COPS2: variants seen among roughly 807,000 people sequenced by gnomAD.
The protein encoded by COPS2 is COP9 signalosome complex subunit 2.
In COPS2, 10 loss-of-function variants were observed where a neutral mutation model predicts 66.1. That is an observed-to-expected ratio of 0.15 (90% confidence interval 0.09 to 0.26). The LOEUF is 0.26. Ranked by LOEUF, COPS2 falls within the 10% of genes least tolerant of loss-of-function variation. The pLI, the probability that COPS2 is intolerant of heterozygous loss-of-function variation, is 1.00. For synonymous variants in COPS2, 179 were observed against 171.3 expected (o/e 1.04, Z -0.35); for missense variants, 215 against 513.3 (o/e 0.42, Z 5.62).
At chr15:49,135,294 T>C (rs1215923157) in intron 6 of COPS2, among the ~76,000 whole-genome samples, 1 of 152,172 alleles carries the variant, frequency 6.6e-6, no homozygotes, top group African/African-American at 2.4e-5. Context: ...CTTCCCAAAA[T>C]CTTCACAACT....
At chr15:49,135,323 C>T (rs1412449412) in intron 6 of COPS2, among the ~76,000 whole-genome samples, 1 of 152,128 alleles carries the variant, frequency 6.6e-6, no homozygotes, top group Non-Finnish European at 1.5e-5. Context: ...ACCACTTATT[C>T]AATTAAAAAG....
At chr15:49,137,110 A>G (rs1347088794) in intron 6 of COPS2, 40 bp downstream of exon 6, 1 of 1,247,174 alleles carries the variant, frequency 8.0e-7, no homozygotes, top group Non-Finnish European at 1.1e-6. Context: ...CTTTTTTTTT[A>G]TTATGAAGAA....
At chr15:49,151,152 G>A (rs1365367732) in intron 1 of COPS2, among the ~76,000 whole-genome samples, 2 of 152,084 alleles carry the variant, frequency 1.3e-5, no homozygotes, top group African/African-American at 4.8e-5. Context: ...TGTAATCTCA[G>A]CACTTTGGGA....
At chr15:49,139,732 C>T (rs2084277953) in intron 3 of COPS2, 79 bp from the exon 4 acceptor site, 1 of 1,033,170 alleles carries the variant, frequency 9.7e-7, no homozygotes, top group Middle Eastern at 2.7e-4. Flanking sequence ...TTATAGAATA[C>T]ACTACTACAT....
Position 49,134,114 on chromosome 15 carries a change from A to G in COPS2, c.716-6T>C. On this transcript the variant is annotated splice_region_variant and splice_polypyrimidine_tract_variant and intron_variant, in intron 7 of 12. Coordinates refer to ENST00000388901, the MANE Select transcript of COPS2 (RefSeq NM_004236.4). ...GTGCATTTTACCACCACATTCTGTG[A>G]AGAATAAGACATGAGAAAATAGGAC... 6 of 1,607,676 alleles carry G rather than the reference A, an allele frequency of 3.7e-6. No individual in the cohort carries two copies. The South Asian group carries it at 6.7e-5, about 18-fold the overall frequency.
At chr15:49,142,582 A>G (rs2084296042) in intron 3 of COPS2, among the ~76,000 whole-genome samples, 2 of 152,146 alleles carry the variant, frequency 1.3e-5, no homozygotes, top group African/African-American at 4.8e-5. Context: ...TAGTTCCTGA[A>G]CCTTCCAACT....
intron 3 of COPS2, among the ~76,000 whole-genome samples, chr15:49,140,267 T>C (rs1353038219): frequency 2.6e-5 from 4 of 152,110 alleles, no homozygotes; most frequent in African/African-American, 9.7e-5. Context: ...AGTGCTGGAA[T>C]TACAGGTGTG....
At chr15:49,130,669 T>G (rs752056290) in intron 10 of COPS2, 50 bp downstream of exon 10, 4 of 1,124,542 alleles carry the variant, frequency 3.6e-6, no homozygotes, top group Non-Finnish European at 4.0e-6. Flanking sequence ...TGGCATTTCT[T>G]TGACAGTGGC....
At chr15:49,131,787 T>C (rs2084211107) in intron 9 of COPS2, among the ~76,000 whole-genome samples, 1 of 152,154 alleles carries the variant, frequency 6.6e-6, no homozygotes, top group African/African-American at 2.4e-5. Flanking sequence ...TTTATATTTG[T>C]GTACATACAT....
intron 1 of COPS2, among the ~76,000 whole-genome samples, chr15:49,147,488 C>T (rs190391296): frequency 6.6e-6 from 1 of 152,196 alleles, no homozygotes; most frequent in African/African-American, 2.4e-5. Flanking sequence ...TATTTTGGAG[C>T]TTCCCAGCAA....
At chr15:49,152,143 A>G (rs917957465) in intron 1 of COPS2, among the ~76,000 whole-genome samples, 5 of 151,318 alleles carry the variant, frequency 3.3e-5, no homozygotes, top group African/African-American at 1.2e-4. Context: ...AAACAAGTCA[A>G]TTACGCACAT....
chr15:49,155,411 T>C (rs2084418832), intron 1 of COPS2, 114 bp downstream of exon 1: 15 of 937,818 alleles, frequency 1.6e-5, no homozygotes, highest in Non-Finnish European at 2.6e-5. Flanking sequence ...GTCACCGCAC[T>C]GAGAGAGGCT....
In COPS2 at chr15:49,123,149, C is replaced by T. The variant is rs2141118679; in HGVS notation, c.*4801G>A. 1.3e-5 allele frequency: 2 copies of T among 152,240 alleles called. No homozygotes were observed. The highest frequency in any genetic ancestry group is 4.1e-4 in the South Asian group (2 of 4,832). The allele number at this position is 152,240 out of a possible 1,614,324, so 9.4% of individuals were successfully genotyped here. A position where few individuals can be genotyped will look rare whatever the true frequency, so the allele number is the denominator to read the frequency against. ...TCGTAAACAGTAAGGGATAGGCAAA[C>T]ATTTGAACAGAAATTAGATACTCAA... On this transcript the variant is annotated 3_prime_UTR_variant, in exon 13 of 13. Coordinates refer to ENST00000388901, the MANE Select transcript of COPS2 (RefSeq NM_004236.4).
Position 49,134,401 on chromosome 15 carries a change from A to G in COPS2, c.654T>C (p.Tyr218=), listed in dbSNP as rs781733164. The change falls in exon 7 of 13, where the codon TAT becomes TAC. Residue 218 remains tyrosine (Y), a synonymous_variant. Transcript: ENST00000388901. ...QKNNKKLKAL[Y]EQSLHIKSAI... is the part of the protein sequence containing the mutation. ...CAGACTTGATGTGAAGTGACTGTTC[A>G]TAGAGTGCTTTAAGTTTTTTGTTAT... The G allele has an allele frequency of 5.6e-6, 9 of 1,613,642 alleles. No individual in the cohort carries two copies. The East Asian group carries it at 1.6e-4, about 28-fold the overall frequency.
chr15:49,132,017 A>G (rs2141123429), intron 9 of COPS2, among the ~76,000 whole-genome samples: 1 of 152,312 alleles, frequency 6.6e-6, no homozygotes, highest in East Asian at 1.9e-4. Flanking sequence ...GGTCTGACAA[A>G]TCAGTCCTTT....
At chr15:49,131,236 G>C (rs1595819653) in intron 9 of COPS2, among the ~76,000 whole-genome samples, 1 of 152,080 alleles carries the variant, frequency 6.6e-6, no homozygotes, top group Admixed American at 6.6e-5. Context: ...ATGAAGGGGT[G>C]TAGCCTCGTC....
chr15:49,152,723 T>TGAGATTC (rs1359601648), intron 1 of COPS2, among the ~76,000 whole-genome samples: 1 of 152,054 alleles, frequency 6.6e-6, no homozygotes, highest in Non-Finnish European at 1.5e-5. Flanking sequence ...CTAAGGAGGC[T>TGAGATTC]GAGGCAGGAG....
Position 49,127,467 on chromosome 15 carries a change from T to C in COPS2, c.*483A>G. 6.5e-6 allele frequency: 1 copy of C among 153,452 alleles called. No individual in the cohort carries two copies. The highest frequency in any genetic ancestry group is 1.9e-4 in the East Asian group (1 of 5,224). The allele number at this position is 153,452 out of a possible 1,614,324, so 9.5% of individuals were successfully genotyped here. Reference sequence around the variant, plus strand: ...GCAGGTACAGAAATATACGGACACATTTTTAGAGAATTGACATTTTGCAAA... The same window carrying C: ...GCAGGTACAGAAATATACGGACACACTTTTAGAGAATTGACATTTTGCAAA... On this transcript the variant is annotated 3_prime_UTR_variant, in exon 13 of 13. Coordinates refer to ENST00000388901, the MANE Select transcript of COPS2 (RefSeq NM_004236.4).
At chr15:49,148,414 T>C (rs1310163802) in intron 1 of COPS2, among the ~76,000 whole-genome samples, 1 of 152,080 alleles carries the variant, frequency 6.6e-6, no homozygotes, top group East Asian at 1.9e-4. Flanking sequence ...CCAAGTCAGG[T>C]ATAAAAGTAT....
Sources: allele counts gnomAD v4.1 joint callset (sites outside exome capture counted in the v4.1 genomes callset), GRCh38; gene constraint gnomAD v4.1.1; transcripts MANE v1.5; gene names NCBI Gene and HGNC (gene_info 2026-07-23, HGNC 2026-07-21).